The following TMC1 variants were observed in gnomAD, a reference collection of about 807,000 sequenced individuals.
The protein encoded by TMC1 is transmembrane channel like 1, also known as transmembrane channel-like protein 1.
TMC1 carries 84 observed loss-of-function variants against 105.8 expected under a neutral mutation model. The ratio of observed to expected loss-of-function variants is 0.79; its 90% CI spans 0.67 to 0.95. The LOEUF is 0.95. TMC1 is among the 40% of genes least tolerant of loss of function. The probability of loss-of-function intolerance (pLI) is 0.00; values close to 1 mark genes in which losing one functional copy is unlikely to be tolerated. For synonymous variants in TMC1, 315 were observed against 311.5 expected (o/e 1.01, Z -0.12); for missense variants, 817 against 914.1 (o/e 0.89, Z 1.37).
intron 3 of TMC1, among the ~76,000 whole-genome samples, chr9:72,618,611 A>C (rs1338740085): frequency 6.6e-6 from 1 of 152,174 alleles, no homozygotes; most frequent in Non-Finnish European, 1.5e-5. Flanking sequence ...GAACTGCAAC[A>C]ATCCTGAATA....
chr9:72,816,745 G>A (rs1828794172), intron 19 of TMC1, among the ~76,000 whole-genome samples: 1 of 152,150 alleles, frequency 6.6e-6, no homozygotes, highest in Non-Finnish European at 1.5e-5. Context: ...ATAGGGCCAT[G>A]GCACATCAGA....
At position 72,653,838 on chromosome 9, in the gene TMC1, C is replaced by T. The variant is rs577212153; in HGVS notation, c.16+5174C>T. On this transcript the variant is annotated intron_variant, in intron 5 of 23. Transcript: ENST00000297784. Reference sequence around the variant, plus strand: ...CAATTGCTAGTCTGCTTTTTGTCAGCGTAAATTAGTTTGCATTTTCTAGAA... The same window carrying T: ...CAATTGCTAGTCTGCTTTTTGTCAGTGTAAATTAGTTTGCATTTTCTAGAA... 4.6e-5 allele frequency among the ~76,000 whole-genome samples: 7 copies of T among 152,220 alleles called. No homozygotes were observed. The East Asian group carries it at 5.8e-4, about 13-fold the overall frequency.
intron 1 of TMC1, among the ~76,000 whole-genome samples, chr9:72,535,660 A>G (rs1823570655): frequency 1.3e-5 from 2 of 152,190 alleles, no homozygotes; most frequent in South Asian, 2.1e-4. Flanking sequence ...GACTGAGACT[A>G]GATAGTTTAA....
At chr9:72,561,879 A>G (rs938232933) in intron 1 of TMC1, among the ~76,000 whole-genome samples, 4 of 152,160 alleles carry the variant, frequency 2.6e-5, no homozygotes, top group African/African-American at 9.7e-5. Context: ...GCAGTGGCTC[A>G]AGCCTGTAAT....
chr9:72,766,683 A>G (rs1211497913), intron 12 of TMC1, among the ~76,000 whole-genome samples: 2 of 152,078 alleles, frequency 1.3e-5, no homozygotes, highest in African/African-American at 2.4e-5. Flanking sequence ...CAGCTGCTTG[A>G]GGGGCAGAGA....
At chr9:72,574,224 G>T (rs1402043993) in intron 1 of TMC1, among the ~76,000 whole-genome samples, 1 of 152,208 alleles carries the variant, frequency 6.6e-6, no homozygotes, top group Middle Eastern at 3.2e-3. Flanking sequence ...GAAATGGTAG[G>T]ATTGGGGCTA....
chr9:72,644,714 C>T lies in TMC1; in HGVS notation c.-52-3883C>T, dbSNP rs1041310419. On this transcript the variant is annotated intron_variant, in intron 4 of 23. Transcript: ENST00000297784. The stretch of plus-strand genomic sequence containing the variant: ...GCTATTTTCTTCCTTTTCAAGGTTG[C>T]ATTTTCCTATTCCAAGTAATTTGCA... Among the ~76,000 whole-genome samples the T allele has an allele frequency of 3.1e-4, 47 of 152,126 alleles. 1 individual carries two copies. Among genetic ancestry groups the T allele is most frequent in the Non-Finnish European group, 8.8e-5 (6 of 68,002 alleles).
At chr9:72,702,647 T>C (rs1826663347) in intron 8 of TMC1, among the ~76,000 whole-genome samples, 1 of 151,752 alleles carries the variant, frequency 6.6e-6, no homozygotes, top group Non-Finnish European at 1.5e-5. Flanking sequence ...GCAGACCTAG[T>C]CACAATCAGA....
At chr9:72,744,644 A>G (rs1313136538) in intron 10 of TMC1, among the ~76,000 whole-genome samples, 2 of 152,236 alleles carry the variant, frequency 1.3e-5, no homozygotes, top group African/African-American at 4.8e-5. Flanking sequence ...ACCTCAGTCT[A>G]CTAATTTATA....
chr9:72,688,614 A>G (rs1826413925), intron 5 of TMC1, 95 bp from the exon 6 acceptor site: 1 of 1,229,258 alleles, frequency 8.1e-7, no homozygotes, highest in Admixed American at 2.0e-5. Flanking sequence ...TAACTGCACA[A>G]AAACATTATG....
chr9:72,743,138 C>T (rs1037201845), intron 10 of TMC1, among the ~76,000 whole-genome samples: 34 of 151,682 alleles, frequency 2.2e-4, no homozygotes, highest in African/African-American at 7.3e-4. Context: ...GAGGCCGAGG[C>T]GGGCGGATCA....
At chr9:72,530,815 T>G (rs1209357287) in intron 1 of TMC1, among the ~76,000 whole-genome samples, 2 of 143,156 alleles carry the variant, frequency 1.4e-5, no homozygotes, top group Non-Finnish European at 3.0e-5. Context: ...ACTTGTTTTC[T>G]GCCATGATTT....
chr9:72,709,238 T>C (rs1377227255), intron 8 of TMC1, among the ~76,000 whole-genome samples: 1 of 152,198 alleles, frequency 6.6e-6, no homozygotes, highest in Non-Finnish European at 1.5e-5. Flanking sequence ...GATTATCTTT[T>C]TGATATGGTG....
intron 5 of TMC1, among the ~76,000 whole-genome samples, chr9:72,680,241 T>C (rs369414277): frequency 6.6e-6 from 1 of 152,152 alleles, no homozygotes. Flanking sequence ...TAAATTAATA[T>C]GTATACCACA....
chr9:72,800,284 C>T (rs955406199), intron 17 of TMC1, among the ~76,000 whole-genome samples: 1 of 152,104 alleles, frequency 6.6e-6, no homozygotes, highest in African/African-American at 2.4e-5. Flanking sequence ...CTTCAGCATA[C>T]GATTCAAGAA....
At chr9:72,634,231 G>A (rs927633575) in intron 4 of TMC1, among the ~76,000 whole-genome samples, 1 of 152,118 alleles carries the variant, frequency 6.6e-6, no homozygotes, top group African/African-American at 2.4e-5. Context: ...AGGTCCGGGT[G>A]GAGTCAGTTA....
intron 4 of TMC1, among the ~76,000 whole-genome samples, chr9:72,631,597 C>A (rs1324772290): frequency 6.6e-6 from 1 of 152,198 alleles, no homozygotes; most frequent in Non-Finnish European, 1.5e-5. Context: ...CAAGGCTCCA[C>A]AGCTAGTCTT....
At chr9:72,810,802 A>T (rs993632494) in intron 18 of TMC1, among the ~76,000 whole-genome samples, 4 of 152,130 alleles carry the variant, frequency 2.6e-5, no homozygotes, top group Admixed American at 6.5e-5. Flanking sequence ...GAACTGTCTA[A>T]TTATTCTTAT....
intron 17 of TMC1, among the ~76,000 whole-genome samples, chr9:72,792,708 T>TAAAAC (rs755199247): frequency 6.6e-5 from 10 of 151,750 alleles, no homozygotes; most frequent in Admixed American, 2.6e-4. Flanking sequence ...TTGTTTGCTG[T>TAAAAC]AAAACAAAAC....
Sources: gnomAD v4.1 joint callset for allele counts (sites outside exome capture counted in the v4.1 genomes callset) on GRCh38, gnomAD v4.1.1 for gene constraint, MANE v1.5 for transcripts, NCBI Gene and HGNC (gene_info 2026-07-23, HGNC 2026-07-21) for gene names.